KANSL1: variants seen among roughly 807,000 people sequenced by gnomAD.
The protein encoded by KANSL1 is MLL1/MLL complex subunit KANSL1.
A neutral mutation model predicts 103.6 loss-of-function variants in KANSL1; 22 were observed. That is an observed-to-expected ratio of 0.21 (90% CI 0.15 to 0.30). The LOEUF is 0.30. Ranked by LOEUF, KANSL1 falls within the 10% of genes least tolerant of loss-of-function variation. The probability of loss-of-function intolerance (pLI) is 1.00; values close to 1 mark genes in which losing one functional copy is unlikely to be tolerated. For missense variants in KANSL1, 1,337 were observed against 1,399.8 expected (o/e 0.96, Z 0.72); for synonymous variants, 600 against 527.6 (o/e 1.14, Z -1.88).
chr17:46,110,150 G>C (rs748599105), intron 2 of KANSL1, among the ~76,000 whole-genome samples: 7 of 152,238 alleles, frequency 4.6e-5, no homozygotes, highest in South Asian at 4.1e-4. Context: ...CTAGCATGTA[G>C]GAAAAATCTT....
intron 2 of KANSL1, among the ~76,000 whole-genome samples, chr17:46,140,890 T>C (rs552580995): frequency 2.6e-5 from 4 of 152,174 alleles, no homozygotes; most frequent in Non-Finnish European, 5.9e-5. Flanking sequence ...GGCAAGAATG[T>C]GGAGAGAATG....
intron 3 of KANSL1, among the ~76,000 whole-genome samples, chr17:46,087,326 A>G (rs1247780384): frequency 6.6e-6 from 1 of 152,230 alleles, no homozygotes; most frequent in Admixed American, 6.5e-5. Context: ...ATGTAAGTTC[A>G]CTATGGCATT....
intron 2 of KANSL1, among the ~76,000 whole-genome samples, chr17:46,165,110 T>C (rs2045929122): frequency 6.6e-6 from 1 of 152,216 alleles, no homozygotes; most frequent in Non-Finnish European, 1.5e-5. Flanking sequence ...CTCTCTCAAA[T>C]ATATACATAC....
intron 2 of KANSL1, among the ~76,000 whole-genome samples, chr17:46,114,649 G>A (rs1216780310): frequency 3.9e-5 from 6 of 152,184 alleles, no homozygotes; most frequent in Non-Finnish European, 8.8e-5. Context: ...CTAATTTAAA[G>A]ACATATACAC....
chr17:46,139,673 T>C (rs1046672715), intron 2 of KANSL1, among the ~76,000 whole-genome samples: 20 of 152,198 alleles, frequency 1.3e-4, no homozygotes, highest in African/African-American at 4.6e-4. Context: ...TGCCTAACTG[T>C]AAAAATGTGA....
intron 1 of KANSL1, among the ~76,000 whole-genome samples, chr17:46,210,498 A>T (rs1262247620): frequency 5.1e-3 from 3 of 594 alleles, no homozygotes; most frequent in Non-Finnish European, 6.7e-3. Context: ...AAAAAAAAAA[A>T]AAAAGACCTG....
intron 2 of KANSL1, among the ~76,000 whole-genome samples, chr17:46,119,014 G>A (rs1207391966): frequency 6.6e-6 from 1 of 152,202 alleles, no homozygotes; most frequent in South Asian, 2.1e-4. Flanking sequence ...AATATTTTAT[G>A]ACTAACAAAT....
chr17:46,126,427 A>G (rs1190744279), intron 2 of KANSL1, among the ~76,000 whole-genome samples: 3 of 150,972 alleles, frequency 2.0e-5, no homozygotes, highest in African/African-American at 7.3e-5. Flanking sequence ...GGGTGACAAG[A>G]GTAACTACGT....
At chr17:46,041,151 G>T (rs1011113325) in intron 7 of KANSL1, 1 of 152,144 alleles carries the variant, frequency 6.6e-6, no homozygotes, top group African/African-American at 2.4e-5. Flanking sequence ...GCTATATAAT[G>T]ACCTTGTAGC....
In KANSL1 at chr17:46,033,566, C is replaced by A. The variant is rs151073114; in HGVS notation, c.2667-106G>T. 109 of 892,942 alleles carry A rather than the reference C, an allele frequency of 1.2e-4. No individual in the cohort carries two copies. The African/African-American group carries it at 1.5e-3, about 12-fold the overall frequency. The allele number at this position is 892,942 out of a possible 1,614,324, so 55.3% of individuals were successfully genotyped here. On this transcript the variant is annotated intron_variant, in intron 11 of 14. Transcript: ENST00000432791. ...GAGAATCCTGCACCTGTGGGTGACA[C>A]TGCTCTCTGCCGGGTAGGCTCTGCC...
intron 7 of KANSL1, chr17:46,042,108 T>C (rs56406462): frequency 0.14 from 21,786 of 152,134 alleles, 2,129 homozygotes; most frequent in Non-Finnish European, 0.22. Context: ...GGGGTTTCAC[T>C]GTGTTAGCCA....
rs1304078301 is a variant in KANSL1 at position 46,171,532 on chromosome 17, A to ACCC, written c.609_611dup (p.Gly204dup). The ACCC allele has an allele frequency of 6.2e-7, 1 of 1,612,586 alleles. No homozygotes were observed. Among genetic ancestry groups the ACCC allele is most frequent in the Non-Finnish European group, 8.5e-7 (1 of 1,179,482 alleles). Reference sequence around the variant, plus strand: ...TATGTGGAAGAGTGCAATTGGTCATACCCCCCTTCAAGTCCCCAGATTCAG... The same window carrying ACCC: ...TATGTGGAAGAGTGCAATTGGTCATACCCCCCCCCTTCAAGTCCCCAGATTCAG... On this transcript the variant is annotated inframe_insertion, in exon 2 of 15. Coordinates refer to ENST00000432791, the MANE Select transcript of KANSL1 (RefSeq NM_015443.4).
chr17:46,059,647 A>AAAAGAG (rs541946204), intron 6 of KANSL1, among the ~76,000 whole-genome samples: 110 of 54,876 alleles, frequency 2.0e-3, no homozygotes, highest in South Asian at 0.012. Context: ...AAAAAAAAAA[A>AAAAGAG]AGAGAGAGAG....
In KANSL1 at chr17:46,094,717, C is replaced by CT; in HGVS notation, c.1290-17dup. Reference sequence around the variant, plus strand: ...CCTGCGTCTCCTAAAAGGAAATAAACTGAGTGAAATCCAAGAGTAGCAGTA... The same window carrying CT: ...CCTGCGTCTCCTAAAAGGAAATAAACTTGAGTGAAATCCAAGAGTAGCAGTA... On this transcript the variant is annotated splice_polypyrimidine_tract_variant and intron_variant, in intron 2 of 14. Transcript: ENST00000432791. 6.2e-7 allele frequency: 1 copy of CT among 1,614,066 alleles called. No homozygotes were observed. The highest frequency in any genetic ancestry group is 1.1e-5 in the South Asian group (1 of 91,078).
At chr17:46,146,947 T>C (rs917749372) in intron 2 of KANSL1, among the ~76,000 whole-genome samples, 13 of 152,052 alleles carry the variant, frequency 8.5e-5, no homozygotes, top group African/African-American at 2.9e-4. Context: ...TGCACATCCT[T>C]AGGTAGTTCC....
chr17:46,192,493 C>T (rs1045347952), intron 1 of KANSL1: 8 of 152,784 alleles, frequency 5.2e-5, no homozygotes, highest in African/African-American at 1.4e-4. Context: ...AGGCGAGAGC[C>T]AGAGTTTGTT....
intron 2 of KANSL1, among the ~76,000 whole-genome samples, chr17:46,159,651 C>T (rs1012451420): frequency 2.0e-5 from 3 of 152,212 alleles, no homozygotes; most frequent in African/African-American, 7.2e-5. Flanking sequence ...TACAATTCAC[C>T]TGTAAGCACA....
chr17:46,031,803 A>T (rs1165299596), intron 14 of KANSL1, 100 bp from the exon 15 acceptor site: 2 of 1,167,528 alleles, frequency 1.7e-6, no homozygotes, highest in Non-Finnish European at 2.4e-6. Context: ...GCCTAGGACC[A>T]GTCTATCTAG....
intron 7 of KANSL1, chr17:46,042,587 C>G (rs1481332503): frequency 6.6e-6 from 1 of 152,160 alleles, no homozygotes; most frequent in Non-Finnish European, 1.5e-5. Context: ...GGAGAGGATT[C>G]TGTAGTAAAG....
Sources: gnomAD v4.1 joint callset for allele counts (sites outside exome capture counted in the v4.1 genomes callset) on GRCh38, gnomAD v4.1.1 for gene constraint, MANE v1.5 for transcripts, NCBI Gene and HGNC (gene_info 2026-07-23, HGNC 2026-07-21) for gene names.